Variants in KDM4C observed in about 807,000 individuals in gnomAD.
KDM4C encodes lysine-specific demethylase 4C.
In KDM4C, 81 loss-of-function variants were observed where a neutral mutation model predicts 129.3. The ratio of observed to expected loss-of-function variants is 0.63; its 90% CI spans 0.52 to 0.75. The LOEUF (loss-of-function observed/expected upper bound fraction) is 0.75, where lower values mean the gene tolerates loss of function less well. KDM4C is among the 30% of genes least tolerant of loss of function. The pLI is 0.00. For missense variants in KDM4C, 1,457 were observed against 1,304.0 expected (o/e 1.12, Z -1.81); for synonymous variants, 573 against 456.1 (o/e 1.26, Z -3.26).
chr9:7,096,251 G>A (rs895201883), intron 17 of KDM4C, among the ~76,000 whole-genome samples: 2 of 152,158 alleles, frequency 1.3e-5, no homozygotes, highest in African/African-American at 2.4e-5. Context: ...TGCTATCAGC[G>A]AAGTGCTTCT....
intron 17 of KDM4C, chr9:7,077,082 C>T: frequency 1.0e-6 from 1 of 985,504 alleles, no homozygotes; most frequent in Non-Finnish European, 1.2e-6. Flanking sequence ...ATCACTCATT[C>T]ATCAAAGTTC....
At chr9:6,959,153 A>G (rs891323794) in intron 8 of KDM4C, among the ~76,000 whole-genome samples, 5 of 152,172 alleles carry the variant, frequency 3.3e-5, no homozygotes, top group Non-Finnish European at 7.3e-5. Flanking sequence ...TTTACCCCCA[A>G]ACACTACTTT....
chr9:6,995,889 T>C (rs573226903), intron 12 of KDM4C, among the ~76,000 whole-genome samples: 71 of 134,380 alleles, frequency 5.3e-4, no homozygotes, highest in South Asian at 1.3e-3. Flanking sequence ...GCCAGGATGG[T>C]CTCGATCTGA....
At chr9:7,127,972 A>G in intron 18 of KDM4C, 94 bp from the exon 19 acceptor site, 1 of 1,121,958 alleles carries the variant, frequency 8.9e-7, no homozygotes, top group African/African-American at 1.6e-5. Flanking sequence ...GGCCAAATAA[A>G]TGATTGTTTT....
intron 4 of KDM4C, chr9:6,834,672 A>G (rs778702244): frequency 1.3e-5 from 11 of 815,566 alleles, no homozygotes; most frequent in Non-Finnish European, 2.2e-5. Flanking sequence ...CTCATCGAGC[A>G]TGGCATCATT....
chr9:7,106,784 C>T (rs574492909), intron 18 of KDM4C, among the ~76,000 whole-genome samples: 19 of 152,116 alleles, frequency 1.2e-4, no homozygotes, highest in African/African-American at 3.6e-4. Context: ...TGTGATCCAC[C>T]GTGCCCAGCT....
In KDM4C at chr9:6,984,164, A is replaced by T; in HGVS notation, c.1116-2A>T. On this transcript the variant is annotated splice_acceptor_variant, in intron 9 of 21. Coordinates refer to ENST00000381309, the MANE Select transcript of KDM4C (RefSeq NM_015061.6). LOFTEE classifies it high-confidence loss of function. ...TCTGACCACTGCTTCTCTTGTTGAC[A>T]GCTTCCAGTGTGCTAGGTCTACCTC... 6.2e-7 allele frequency: 1 copy of T among 1,605,476 alleles called. No homozygotes were observed. Among genetic ancestry groups the T allele is most frequent in the Non-Finnish European group, 8.5e-7 (1 of 1,172,564 alleles).
chr9:6,969,225 C>T (rs772834312), intron 8 of KDM4C, among the ~76,000 whole-genome samples: 20 of 152,166 alleles, frequency 1.3e-4, no homozygotes, highest in South Asian at 2.1e-4. Flanking sequence ...CTTGAGCCAC[C>T]GTGCTCGGCC....
intron 12 of KDM4C, among the ~76,000 whole-genome samples, chr9:6,998,742 G>A (rs950479666): frequency 2.6e-5 from 4 of 152,178 alleles, no homozygotes; most frequent in Admixed American, 2.0e-4. Flanking sequence ...GCTGCAGTGC[G>A]CTGAGATCAT....
chr9:6,757,396 G>A (rs1399547372), upstream of KDM4C, among the ~76,000 whole-genome samples: 6 of 152,240 alleles, frequency 3.9e-5, no homozygotes, highest in African/African-American at 1.4e-4. Flanking sequence ...TTTGCTTCCA[G>A]AGGCTGACAC....
chr9:6,755,093 C>T (rs1384771286), upstream of KDM4C, among the ~76,000 whole-genome samples: 2 of 151,964 alleles, frequency 1.3e-5, no homozygotes, highest in African/African-American at 2.4e-5. Flanking sequence ...AAAATTAGGC[C>T]GGGCATGGTG....
chr9:7,110,940 A>C (rs757482929), intron 18 of KDM4C, among the ~76,000 whole-genome samples: 1 of 152,192 alleles, frequency 6.6e-6, no homozygotes, highest in African/African-American at 2.4e-5. Context: ...ATGGCTTAGC[A>C]CAAAAGTTAG....
At chr9:6,826,726 G>A (rs927402592) in intron 4 of KDM4C, among the ~76,000 whole-genome samples, 9 of 152,074 alleles carry the variant, frequency 5.9e-5, no homozygotes, top group Non-Finnish European at 8.8e-5. Flanking sequence ...AATTAGCCAG[G>A]CATGGTGGCA....
chr9:6,889,507 C>T (rs1845815387), intron 7 of KDM4C, among the ~76,000 whole-genome samples: 1 of 152,060 alleles, frequency 6.6e-6, no homozygotes, highest in South Asian at 2.1e-4. Flanking sequence ...TGCAGAACTG[C>T]TGGGTACAGA....
At chr9:7,167,226 C>A (rs766560335) in intron 20 of KDM4C, among the ~76,000 whole-genome samples, 1 of 152,158 alleles carries the variant, frequency 6.6e-6, no homozygotes, top group Non-Finnish European at 1.5e-5. Context: ...AAAATTCTCT[C>A]TCAGCTCTGC....
intron 18 of KDM4C, among the ~76,000 whole-genome samples, chr9:7,112,803 A>G (rs1300076765): frequency 6.6e-6 from 1 of 152,174 alleles, no homozygotes; most frequent in Non-Finnish European, 1.5e-5. Flanking sequence ...GAATTTAGCT[A>G]ACACTTATCT....
At chr9:6,772,786 G>C (rs1397618831) in intron 1 of KDM4C, among the ~76,000 whole-genome samples, 1 of 144,992 alleles carries the variant, frequency 6.9e-6, no homozygotes, top group South Asian at 2.3e-4. Flanking sequence ...TCTGCCCCCC[G>C]GATTCAAGCA....
intron 8 of KDM4C, chr9:6,974,695 A>G (rs1362705369): frequency 6.6e-6 from 1 of 152,160 alleles, no homozygotes; most frequent in Non-Finnish European, 1.5e-5. Flanking sequence ...ACTCATACAA[A>G]TATTTATGTT....
intron 8 of KDM4C, among the ~76,000 whole-genome samples, chr9:6,976,579 C>CT (rs1554675686): frequency 6.6e-6 from 1 of 152,094 alleles, no homozygotes; most frequent in Non-Finnish European, 1.5e-5. Flanking sequence ...ATGTTAGGCA[C>CT]TTTCGCTTTG....
Sources: gnomAD v4.1 joint callset for allele counts (sites outside exome capture counted in the v4.1 genomes callset) on GRCh38, gnomAD v4.1.1 for gene constraint, MANE v1.5 for transcripts, NCBI Gene and HGNC (gene_info 2026-07-23, HGNC 2026-07-21) for gene names.